FASTKD5: variants seen among roughly 807,000 people sequenced by gnomAD.
FASTKD5 encodes FAST kinase domains 5, also known as non-canonical pre-mRNAs endonuclease FASTKD5, mitochondrial.
A neutral mutation model predicts 44.0 loss-of-function variants in FASTKD5; 30 were observed. The ratio of observed to expected loss-of-function variants is 0.68; its 90% confidence interval spans 0.51 to 0.93. The LOEUF is 0.93. Among genes scored for constraint, FASTKD5 ranks in the 40% least tolerant of loss-of-function variants. The probability of loss-of-function intolerance (pLI) is 0.00; values close to 1 mark genes in which losing one functional copy is unlikely to be tolerated. For missense variants in FASTKD5, 868 were observed against 908.2 expected (o/e 0.96, Z 0.57); for synonymous variants, 335 against 342.2 (o/e 0.98, Z 0.23).
chr20:3,149,213 A>C lies in FASTKD5; in HGVS notation c.-143T>G. On this transcript the variant is annotated 5_prime_UTR_variant, in exon 2 of 2. Transcript: ENST00000380266. The surrounding 1 kb of genome is among the most constrained non-coding windows in gnomAD (Gnocchi z 4.1). ...ACTGCCTGGAAATCTTCAGCATATC[A>C]CAAGAGCCAGGGATCACAAATGACT... The C allele has an allele frequency of 1.5e-5, 12 of 822,414 alleles. No homozygotes were observed. The highest frequency in any genetic ancestry group is 2.3e-5 in the Non-Finnish European group (12 of 530,772). The allele number at this position is 822,414 out of a possible 1,614,324, so 50.9% of individuals were successfully genotyped here. A position where few individuals can be genotyped will look rare whatever the true frequency, so the allele number is the denominator to read the frequency against.
At chr20:3,155,074 A>G (rs1435909521) in intron 1 of FASTKD5, among the ~76,000 whole-genome samples, 2 of 146,096 alleles carry the variant, frequency 1.4e-5, no homozygotes, top group African/African-American at 5.0e-5. Context: ...AAAAAAAAAG[A>G]AAAGAAAAGA....
chr20:3,148,774 T>C lies in FASTKD5; in HGVS notation c.297A>G (p.Thr99=), dbSNP rs2066594731. 1 of 1,614,250 alleles carries C rather than the reference T, an allele frequency of 6.2e-7. No homozygotes were observed. The highest frequency in any genetic ancestry group is 1.3e-5 in the African/African-American group (1 of 75,072). Residue 99 remains threonine (T), a synonymous_variant, in exon 2 of 2, where the codon ACA becomes ACG. Coordinates refer to ENST00000380266, the MANE Select transcript of FASTKD5 (RefSeq NM_021826.5). ...CTTCTACGTCCTCTTCATCAACTCCTGTGGCCCTGGGTGAGCCCAGCTGCA... is the reference window on the plus strand; with the variant it reads ...CTTCTACGTCCTCTTCATCAACTCCCGTGGCCCTGGGTGAGCCCAGCTGCA... The part of the protein sequence containing the change: ...STLQLGSPRA[T]GVDEEDVEVF...
In FASTKD5 at chr20:3,151,599, A is replaced by T. The variant is rs553595248; in HGVS notation, c.-190-2339T>A. 37 of 152,262 alleles carry T rather than the reference A, an allele frequency of 2.4e-4. No individual in the cohort carries two copies. The South Asian group carries it at 6.8e-3, about 28-fold the overall frequency. The allele number at this position is 152,262 out of a possible 1,614,324, so 9.4% of individuals were successfully genotyped here. A position where few individuals can be genotyped will look rare whatever the true frequency, so the allele number is the denominator to read the frequency against. ...GGCCAGGAGTTTGAGACCAGCCTGAACAACACAGCAAGACTGTCTAAAAAA... is the reference window on the plus strand; with the variant it reads ...GGCCAGGAGTTTGAGACCAGCCTGATCAACACAGCAAGACTGTCTAAAAAA... On this transcript the variant is annotated intron_variant, in intron 1 of 1. Coordinates refer to ENST00000380266, the MANE Select transcript of FASTKD5 (RefSeq NM_021826.5).
chr20:3,157,651 G>A (rs545171069), intron 1 of FASTKD5, among the ~76,000 whole-genome samples: 5 of 152,330 alleles, frequency 3.3e-5, no homozygotes, highest in African/African-American at 1.2e-4. Context: ...ACAACAGGCA[G>A]TAGGCACTCA....
chr20:3,154,508 C>A (rs1183388221), intron 1 of FASTKD5, among the ~76,000 whole-genome samples: 1 of 151,766 alleles, frequency 6.6e-6, no homozygotes, highest in East Asian at 1.9e-4. Flanking sequence ...GTAGTGAGAC[C>A]CCCACCTCTA....
At position 3,148,989 on chromosome 20, in the gene FASTKD5, C is replaced by T; in HGVS notation, c.82G>A (p.Val28Met). 1 of 1,614,246 alleles carries T rather than the reference C, an allele frequency of 6.2e-7. No homozygotes were observed. The highest frequency in any genetic ancestry group is 8.5e-7 in the Non-Finnish European group (1 of 1,180,046). Residue 28 changes from valine to methionine, a missense_variant, in exon 2 of 2, where the codon GTG becomes ATG. Val to Met is a conservative substitution (Grantham distance 21, BLOSUM62 1). Transcript: ENST00000380266. ...GTGCTGCTCACATTCCAGTATGACACACTTCGGACTGCACCAAAGGCAGAA... is the reference window on the plus strand; with the variant it reads ...GTGCTGCTCACATTCCAGTATGACATACTTCGGACTGCACCAAAGGCAGAA... ...SPSAFGAVRSVSYWNVSSTQH... is the reference protein window; with the variant it reads ...SPSAFGAVRSMSYWNVSSTQH...
At position 3,148,415 on chromosome 20, in the gene FASTKD5, G is replaced by C. The variant is rs1349822356; in HGVS notation, c.656C>G (p.Pro219Arg). 2 of 1,614,152 alleles carry C rather than the reference G, an allele frequency of 1.2e-6. No individual in the cohort carries two copies. The highest frequency in any genetic ancestry group is 2.2e-5 in the East Asian group (1 of 44,884). The change falls in exon 2 of 2, where the codon CCT becomes CGT. Residue 219 changes from proline to arginine, a missense_variant. Pro to Arg is a moderately radical substitution (Grantham distance 103, BLOSUM62 -2). Transcript: ENST00000380266. ...VLKAFVILGI[P>R]HSHSMLDVYE... ...CACATCTAGCATTGAATGGGAGTGA[G>C]GGATTCCTAAAATGACAAAAGCTTT...
chr20:3,148,152 G>T lies in FASTKD5; in HGVS notation c.919C>A (p.Leu307Ile). 6.2e-7 allele frequency: 1 copy of T among 1,613,746 alleles called. No individual in the cohort carries two copies. The highest frequency in any genetic ancestry group is 8.5e-7 in the Non-Finnish European group (1 of 1,179,968). Residue 307 changes from leucine (L) to isoleucine (I), a missense_variant, in exon 2 of 2, where the codon CTT (leucine) becomes ATT (isoleucine). Physicochemically the swap from Leu to Ile is conservative, Grantham distance 5. Transcript: ENST00000380266. ...DLMQKLESLILKYIDLINLEE... is the reference protein window; with the variant it reads ...DLMQKLESLIIKYIDLINLEE... Reference sequence around the variant, plus strand: ...AAATTGATCAAATCTATATATTTAAGGATCAATGATTCCAATTTTTGCATT... The same window carrying T: ...AAATTGATCAAATCTATATATTTAATGATCAATGATTCCAATTTTTGCATT...
chr20:3,153,460 G>C (rs1021625463), intron 1 of FASTKD5, among the ~76,000 whole-genome samples: 7 of 152,198 alleles, frequency 4.6e-5, no homozygotes, highest in Non-Finnish European at 1.0e-4. Flanking sequence ...TGATGAGAAA[G>C]AGACCACAAG....
intron 1 of FASTKD5, chr20:3,150,481 T>C (rs1201329738): frequency 1.3e-5 from 2 of 152,186 alleles, no homozygotes; most frequent in Non-Finnish European, 2.9e-5. Flanking sequence ...GACTATGAAA[T>C]TGATTCTGCT....
In FASTKD5 at chr20:3,159,280, C is replaced by G. The variant is rs1174511739; in HGVS notation, c.-191+486G>C. The stretch of plus-strand genomic sequence containing the variant: ...ACTCCGCATCCCAAATGCTAAGCAA[C>G]ATACTGTAGGGCCTTGCTACTCAGT... On this transcript the variant is annotated intron_variant, in intron 1 of 1. Transcript: ENST00000380266. Among the ~76,000 whole-genome samples, 3 of 152,226 alleles carry G rather than the reference C, an allele frequency of 2.0e-5. No individual in the cohort carries two copies. The East Asian group carries it at 5.8e-4, about 29-fold the overall frequency.
intron 1 of FASTKD5, among the ~76,000 whole-genome samples, chr20:3,159,186 C>T (rs986039142): frequency 1.3e-5 from 2 of 152,192 alleles, no homozygotes; most frequent in African/African-American, 4.8e-5. Flanking sequence ...TACCCTTAGG[C>T]TTGTGCAACG....
In FASTKD5 at chr20:3,147,014, G is replaced by A. The variant is rs779120707; in HGVS notation, c.2057C>T (p.Pro686Leu). ...SGAMEMAGLC[P>L]AACMQTPRMK... ...TCTTGGGGTCTGCATGCAGGCTGCG[G>A]GGCACAGGCCAGCCATCTCCATGGC... Residue 686 changes from proline (P) to leucine (L), a missense_variant, in exon 2 of 2, where the codon CCC becomes CTC. By Grantham distance (98) the Pro-to-Leu change is moderately conservative. Transcript: ENST00000380266. 5.0e-6 allele frequency: 8 copies of A among 1,614,052 alleles called. No individual in the cohort carries two copies. Among genetic ancestry groups the A allele is most frequent in the East Asian group, 2.2e-5 (1 of 44,900 alleles).
At position 3,146,964 on chromosome 20, in the gene FASTKD5, T is replaced by C; in HGVS notation, c.2107A>G (p.Asn703Asp). ...GAGCCATAGCAATACTGGTTCCTGTTTGTGAACTGAACAGCCAGCTTCATT... is the reference window on the plus strand; with the variant it reads ...GAGCCATAGCAATACTGGTTCCTGTCTGTGAACTGAACAGCCAGCTTCATT... ...PRMKLAVQFT[N>D]RNQYCYGSRD... Residue 703 changes from asparagine (N) to aspartate (D), a missense_variant, in exon 2 of 2, where the codon AAC (asparagine) becomes GAC (aspartate). Transcript: ENST00000380266. The C allele has an allele frequency of 1.2e-6, 2 of 1,614,202 alleles. No individual in the cohort carries two copies. Among genetic ancestry groups the C allele is most frequent in the Non-Finnish European group, 1.7e-6 (2 of 1,180,040 alleles).
rs367605174 is a variant in FASTKD5 at position 3,151,681 on chromosome 20, A to G, written c.-190-2421T>C. 9.9e-5 allele frequency: 15 copies of G among 152,022 alleles called. No homozygotes were observed. In the East Asian group the frequency reaches 2.7e-3, roughly 27 times the overall value. 9.4% of individuals were successfully genotyped at this position (152,022 alleles called of 1,614,324 possible). ...AAAAAATTTTAATTAAAATTGGAAA[A>G]ACTATAGAAAAATAGTACTAAAATA... On this transcript the variant is annotated intron_variant, in intron 1 of 1. Coordinates refer to ENST00000380266, the MANE Select transcript of FASTKD5 (RefSeq NM_021826.5).
Position 3,146,671 on chromosome 20 carries a change from C to G in FASTKD5, c.*105G>C, listed in dbSNP as rs1287064380. ...TGGATACAATTAAGTCTCCTCAACA[C>G]ACTATTTTATCGCCAAACTTACATT... On this transcript the variant is annotated 3_prime_UTR_variant, in exon 2 of 2. Transcript: ENST00000380266. 3.7e-6 allele frequency: 5 copies of G among 1,353,010 alleles called. No individual in the cohort carries two copies. Among genetic ancestry groups the G allele is most frequent in the Non-Finnish European group, 5.1e-6 (5 of 984,536 alleles). The allele number at this position is 1,353,010 out of a possible 1,614,324, so 83.8% of individuals were successfully genotyped here. A position where few individuals can be genotyped will look rare whatever the true frequency, so the allele number is the denominator to read the frequency against.
chr20:3,153,974 T>A (rs530826051), intron 1 of FASTKD5, among the ~76,000 whole-genome samples: 15 of 152,164 alleles, frequency 9.9e-5, no homozygotes, highest in Admixed American at 2.0e-4. Flanking sequence ...AGGTTTGGAA[T>A]GCTCAACCTG....
At chr20:3,152,895 GA>G (rs1347143338) in intron 1 of FASTKD5, among the ~76,000 whole-genome samples, 1 of 148,208 alleles carries the variant, frequency 6.7e-6, no homozygotes, top group African/African-American at 2.5e-5. Flanking sequence ...GAAAGAGCAA[GA>G]CTGTCTCAAA....
chr20:3,153,368 G>C (rs1037325490), intron 1 of FASTKD5, among the ~76,000 whole-genome samples: 1 of 152,234 alleles, frequency 6.6e-6, no homozygotes, highest in African/African-American at 2.4e-5. Flanking sequence ...CCAAGGCTTA[G>C]AGCCTTGTAA....
Sources: gnomAD v4.1 joint callset for allele counts (sites outside exome capture counted in the v4.1 genomes callset) on GRCh38, gnomAD v4.1.1 for gene constraint, Gnocchi (gnomAD v3.1) non-coding constraint, MANE v1.5 for transcripts, NCBI Gene and HGNC (gene_info 2026-07-23, HGNC 2026-07-21) for gene names.